The following MMP26 variants were observed in gnomAD, a reference collection of about 807,000 sequenced individuals.
The protein encoded by MMP26 is matrix metalloproteinase-26.
Under a neutral mutation model 31.0 loss-of-function variants are expected in MMP26, and 33 were observed. The observed-to-expected ratio is 1.06, with a 90% CI of 0.81 to 1.42. The LOEUF is 1.42. MMP26 is among the 40% of genes most tolerant of loss of function. The pLI is 0.00. For synonymous variants in MMP26, 122 were observed against 114.9 expected, an observed-to-expected ratio of 1.06 and a Z score of -0.40; for missense variants, 347 against 316.1, an observed-to-expected ratio of 1.10 and a Z score of -0.74.
intron 2 of MMP26, among the ~76,000 whole-genome samples, chr11:4,983,407 C>T (rs1846842867): frequency 6.6e-6 from 1 of 152,168 alleles, no homozygotes; most frequent in Non-Finnish European, 1.5e-5. Context: ...ATGACAATGG[C>T]ATCAATTTTC....
chr11:4,840,918 A>G (rs1589916514), intron 2 of MMP26, among the ~76,000 whole-genome samples: 1 of 152,192 alleles, frequency 6.6e-6, no homozygotes, highest in Non-Finnish European at 1.5e-5. Flanking sequence ...AAGATAACAC[A>G]GAGAAGGAAC....
chr11:4,905,167 A>G (rs1285975976), intron 2 of MMP26, among the ~76,000 whole-genome samples: 1 of 152,144 alleles, frequency 6.6e-6, no homozygotes, highest in African/African-American at 2.4e-5. Context: ...CTAAGAAAAC[A>G]CAGTCCAGCA....
At chr11:4,806,396 C>T (rs1849270433) in intron 2 of MMP26, among the ~76,000 whole-genome samples, 1 of 152,068 alleles carries the variant, frequency 6.6e-6, no homozygotes, top group African/African-American at 2.4e-5. Context: ...CTTTATGAAT[C>T]TGGGTGCTCC....
At chr11:4,722,775 C>T (rs1159508362) in intron 1 of MMP26, 12 of 1,004,268 alleles carry the variant, frequency 1.2e-5, no homozygotes, top group Non-Finnish European at 1.6e-5. Context: ...CACCAGCTTC[C>T]CTTCGTGGGT....
At chr11:4,881,987 T>C in intron 2 of MMP26, 1 of 1,613,908 alleles carries the variant, frequency 6.2e-7, no homozygotes, top group South Asian at 1.1e-5. Context: ...TGTCTGGATC[T>C]CCATTCCAGT....
At chr11:4,825,674 A>T (rs79053592) in intron 2 of MMP26, among the ~76,000 whole-genome samples, 2,678 of 152,284 alleles carry the variant, frequency 0.018, 73 homozygotes, top group African/African-American at 0.061. Context: ...TCATCCAGTC[A>T]ATCACAAATG....
chr11:4,833,234 A>G (rs1050742044), intron 2 of MMP26, among the ~76,000 whole-genome samples: 2 of 152,228 alleles, frequency 1.3e-5, no homozygotes, highest in Admixed American at 6.5e-5. Context: ...CATCTAATAT[A>G]CCACAGCTTT....
chr11:4,955,573 A>C, intron 2 of MMP26: 1 of 1,388,428 alleles, frequency 7.2e-7, no homozygotes, highest in South Asian at 1.2e-5. Flanking sequence ...TGATAAAAAG[A>C]ATGGTGCCAT....
intron 2 of MMP26, among the ~76,000 whole-genome samples, chr11:4,930,462 G>C (rs1204038988): frequency 6.6e-6 from 1 of 152,004 alleles, no homozygotes; most frequent in East Asian, 1.9e-4. Flanking sequence ...CTCCTTTTTC[G>C]AGCCATCTTT....
chr11:4,723,087 T>C (rs547439806), intron 1 of MMP26: 1 of 1,398,410 alleles, frequency 7.2e-7, no homozygotes, highest in East Asian at 2.3e-5. Flanking sequence ...TGTCACGGCA[T>C]GTTCTGCTTG....
rs7108653 is a variant in MMP26, at chr11:4,917,635, G to A, written c.-144-70433G>A. Among the ~76,000 whole-genome samples, 1,476 of 152,256 alleles carry A rather than the reference G, an allele frequency of 9.7e-3. 28 individuals carry two copies. Among genetic ancestry groups the A allele is most frequent in the African/African-American group, 0.034 (1,404 of 41,548 alleles). ...GTGCTCCTCAGCTTCTGCTGTGGCC[G>A]TGATCAGTGGTTACCACATTACATA... On this transcript the variant is annotated intron_variant, in intron 2 of 7. Coordinates refer to ENST00000380390, the MANE Select transcript of MMP26 (RefSeq NM_021801.5).
intron 2 of MMP26, among the ~76,000 whole-genome samples, chr11:4,956,573 G>T (rs1254986136): frequency 6.6e-6 from 1 of 152,102 alleles, no homozygotes; most frequent in Non-Finnish European, 1.5e-5. Flanking sequence ...TCTGCACAAG[G>T]CCAAGTCTAA....
intron 2 of MMP26, among the ~76,000 whole-genome samples, chr11:4,852,952 A>G (rs1849996304): frequency 6.6e-6 from 1 of 152,222 alleles, no homozygotes; most frequent in African/African-American, 2.4e-5. Flanking sequence ...AGTCAGACAC[A>G]GTAAGAAAAA....
intron 2 of MMP26, among the ~76,000 whole-genome samples, chr11:4,838,356 A>AAAAAG (rs1849749308): frequency 7.5e-6 from 1 of 132,714 alleles, no homozygotes; most frequent in African/African-American, 2.9e-5. Flanking sequence ...AAAAAAAAAA[A>AAAAAG]GTATGATATG....
At chr11:4,932,209 G>A (rs1020858106) in intron 2 of MMP26, among the ~76,000 whole-genome samples, 1 of 152,214 alleles carries the variant, frequency 6.6e-6, no homozygotes, top group Middle Eastern at 3.4e-3. Flanking sequence ...TGAAACTGAC[G>A]ATTAAACTAA....
chr11:4,898,831 C>CTGTGTGTGTG (rs1157500335), intron 2 of MMP26, among the ~76,000 whole-genome samples: 32 of 94,156 alleles, frequency 3.4e-4, no homozygotes, highest in Non-Finnish European at 5.1e-4. Context: ...CTCTCTCTCT[C>CTGTGTGTGTG]TGTGTGTGTG....
At chr11:4,857,778 A>G (rs956140533) in intron 2 of MMP26, among the ~76,000 whole-genome samples, 7 of 152,206 alleles carry the variant, frequency 4.6e-5, no homozygotes, top group Admixed American at 4.6e-4. Context: ...ACAAAAAAAC[A>G]GAATTTCAGA....
chr11:4,711,173 G>C (rs1307120148), intron 1 of MMP26: 1 of 152,030 alleles, frequency 6.6e-6, no homozygotes, highest in Non-Finnish European at 1.5e-5. Context: ...ATGAACATGT[G>C]GAAACTGCTT....
At chr11:4,743,437 A>G (rs1029310794) in intron 1 of MMP26, among the ~76,000 whole-genome samples, 1 of 152,204 alleles carries the variant, frequency 6.6e-6, no homozygotes, top group African/African-American at 2.4e-5. Context: ...GATTTGAGCT[A>G]TGGATACTTA....
Sources: gnomAD v4.1 joint callset for allele counts (sites outside exome capture counted in the v4.1 genomes callset) on GRCh38, gnomAD v4.1.1 for gene constraint, MANE v1.5 for transcripts, NCBI Gene and HGNC (gene_info 2026-07-23, HGNC 2026-07-21) for gene names.